HS3ST4: variants seen among roughly 807,000 people sequenced by gnomAD.
The protein encoded by HS3ST4 is heparan sulfate glucosamine 3-O-sulfotransferase 4.
Under a neutral mutation model 29.2 loss-of-function variants are expected in HS3ST4, and 17 were observed. The observed-to-expected ratio is 0.58, with a 90% CI of 0.40 to 0.87. HS3ST4 has a LOEUF of 0.87. Among genes scored for constraint, HS3ST4 ranks in the 40% least tolerant of loss-of-function variants. HS3ST4 has a pLI of 0.00. For synonymous variants in HS3ST4, 314 were observed against 285.7 expected, an observed-to-expected ratio of 1.10 and a Z score of -1.00; for missense variants, 627 against 634.5, an observed-to-expected ratio of 0.99 and a Z score of 0.13.
intron 1 of HS3ST4, among the ~76,000 whole-genome samples, chr16:26,035,847 A>G (rs1360898175): frequency 6.6e-6 from 1 of 152,168 alleles, no homozygotes; most frequent in Non-Finnish European, 1.5e-5. Context: ...CCTTGTTCCT[A>G]TGATAAAGAT....
chr16:25,963,744 G>A (rs900728189), intron 1 of HS3ST4, among the ~76,000 whole-genome samples: 1 of 152,222 alleles, frequency 6.6e-6, no homozygotes, highest in Non-Finnish European at 1.5e-5. Context: ...GCTGAATCAG[G>A]ACAGCTTTGC....
At chr16:25,890,333 A>T (rs118097069) in intron 1 of HS3ST4, among the ~76,000 whole-genome samples, 6,066 of 152,218 alleles carry the variant, frequency 0.04, 146 homozygotes, top group Non-Finnish European at 0.052. Flanking sequence ...CCCATCAAGG[A>T]TGGATTTGTT....
At chr16:26,065,867 G>T (rs527821079) in intron 1 of HS3ST4, among the ~76,000 whole-genome samples, 1 of 152,242 alleles carries the variant, frequency 6.6e-6, no homozygotes, top group Non-Finnish European at 1.5e-5. Context: ...GAGAAATTCA[G>T]ATAGAGGAAA....
chr16:25,958,443 A>C (rs1393394817), intron 1 of HS3ST4, among the ~76,000 whole-genome samples: 1 of 151,766 alleles, frequency 6.6e-6, no homozygotes, highest in East Asian at 1.9e-4. Flanking sequence ...GTGATTCTCC[A>C]CCTCAGCCTC....
In HS3ST4 at chr16:25,868,314, G is replaced by A. The variant is rs369319743; in HGVS notation, c.734+175163G>A. ...CCAAAAAGCTGCTTTTTAAAAAAAA[G>A]CATTGAAGATTCATTGTAAGATACT... On this transcript the variant is annotated intron_variant, in intron 1 of 1. Coordinates refer to ENST00000331351, the MANE Select transcript of HS3ST4 (RefSeq NM_006040.3). 2.3e-3 allele frequency among the ~76,000 whole-genome samples: 357 copies of A among 152,126 alleles called. 1 individual carries two copies. The highest frequency in any genetic ancestry group is 7.6e-3 in the African/African-American group (315 of 41,510).
intron 1 of HS3ST4, among the ~76,000 whole-genome samples, chr16:25,894,962 G>A (rs1968045116): frequency 6.6e-6 from 1 of 152,228 alleles, no homozygotes; most frequent in South Asian, 2.1e-4. Flanking sequence ...CTGGACAATA[G>A]TGATGGGGAG....
At chr16:25,951,976 A>G (rs1029760052) in intron 1 of HS3ST4, among the ~76,000 whole-genome samples, 5 of 150,948 alleles carry the variant, frequency 3.3e-5, no homozygotes, top group African/African-American at 9.9e-5. Context: ...ACTTAAAAAA[A>G]AGAATTAAAT....
chr16:26,055,631 C>T (rs1047400090), intron 1 of HS3ST4, among the ~76,000 whole-genome samples: 1 of 152,174 alleles, frequency 6.6e-6, no homozygotes, highest in Non-Finnish European at 1.5e-5. Context: ...TAATAATCCT[C>T]AGACTTCTTA....
intron 1 of HS3ST4, among the ~76,000 whole-genome samples, chr16:25,969,407 T>G (rs2141705617): frequency 6.6e-6 from 1 of 152,368 alleles, no homozygotes; most frequent in East Asian, 1.9e-4. Flanking sequence ...AATAGTGCTA[T>G]CCAGCGCTGC....
intron 1 of HS3ST4, among the ~76,000 whole-genome samples, chr16:25,895,200 T>C (rs561887001): frequency 6.6e-6 from 1 of 152,088 alleles, no homozygotes; most frequent in East Asian, 1.9e-4. Flanking sequence ...TTCTGGACCA[T>C]GGTAACCATG....
At chr16:25,956,433 T>G (rs1361492292) in intron 1 of HS3ST4, among the ~76,000 whole-genome samples, 2 of 152,194 alleles carry the variant, frequency 1.3e-5, no homozygotes, top group Non-Finnish European at 2.9e-5. Flanking sequence ...CCACTTCTAT[T>G]CAACCTAATA....
At position 26,115,266 on chromosome 16, in the gene HS3ST4, TACAC is replaced by T. The variant is rs140596443; in HGVS notation, c.735-20328_735-20325del. 1.1e-4 allele frequency among the ~76,000 whole-genome samples: 17 copies of T among 148,576 alleles called. No individual in the cohort carries two copies. In the South Asian group the frequency reaches 1.3e-3, roughly 11 times the overall value. On this transcript the variant is annotated intron_variant, in intron 1 of 1. Coordinates refer to ENST00000331351, the MANE Select transcript of HS3ST4 (RefSeq NM_006040.3). ...GTGTGTATATATATATACATATATA[TACAC>T]ACACACACACACACACAAGTATAAA...
intron 1 of HS3ST4, among the ~76,000 whole-genome samples, chr16:25,992,210 A>T (rs562129988): frequency 2.6e-5 from 4 of 152,332 alleles, no homozygotes; most frequent in African/African-American, 9.6e-5. Context: ...TATGATTCGT[A>T]TGATTATGAC....
chr16:25,860,479 A>G (rs1278446683), intron 1 of HS3ST4, among the ~76,000 whole-genome samples: 1 of 152,148 alleles, frequency 6.6e-6, no homozygotes, highest in Non-Finnish European at 1.5e-5. Context: ...GTAGTTTTGG[A>G]TACACAGTTT....
intron 1 of HS3ST4, among the ~76,000 whole-genome samples, chr16:25,787,047 C>T (rs908844866): frequency 3.3e-5 from 5 of 152,106 alleles, no homozygotes; most frequent in South Asian, 2.1e-4. Context: ...GTTGAAACTT[C>T]GAGGCTGTTA....
At chr16:26,079,982 C>T (rs1256556676) in intron 1 of HS3ST4, among the ~76,000 whole-genome samples, 1 of 152,116 alleles carries the variant, frequency 6.6e-6, no homozygotes, top group East Asian at 1.9e-4. Context: ...AAAGAGGTCC[C>T]ATTGATAGCC....
At chr16:25,786,969 G>T (rs796767333) in intron 1 of HS3ST4, among the ~76,000 whole-genome samples, 15 of 152,318 alleles carry the variant, frequency 9.8e-5, no homozygotes, top group African/African-American at 3.1e-4. Flanking sequence ...GTATCAAGAA[G>T]TAGCTGCCAA....
chr16:25,918,504 A>G (rs1357985900), intron 1 of HS3ST4, among the ~76,000 whole-genome samples: 4 of 152,232 alleles, frequency 2.6e-5, no homozygotes, highest in Admixed American at 1.3e-4. Flanking sequence ...AGAGCACTCC[A>G]AAGGAGCATG....
intron 1 of HS3ST4, among the ~76,000 whole-genome samples, chr16:25,821,433 G>A (rs2141633718): frequency 6.6e-6 from 1 of 152,092 alleles, no homozygotes; most frequent in Middle Eastern, 3.4e-3. Flanking sequence ...TTTCTAATGT[G>A]TTTTCCTCAT....
Sources: allele counts gnomAD v4.1 joint callset (sites outside exome capture counted in the v4.1 genomes callset), GRCh38; gene constraint gnomAD v4.1.1; transcripts MANE v1.5; gene names NCBI Gene and HGNC (gene_info 2026-07-23, HGNC 2026-07-21).